LRIT3: variants seen among roughly 807,000 people sequenced by gnomAD.
The protein encoded by LRIT3 is leucine rich repeat, Ig-like and transmembrane domains 3.
LRIT3 carries 14 observed loss-of-function variants against 22.6 expected under a neutral mutation model. The ratio of observed to expected loss-of-function variants is 0.62; its 90% confidence interval spans 0.41 to 0.97. LRIT3 has a LOEUF of 0.97. Among genes scored for constraint, LRIT3 ranks in the 50% least tolerant of loss-of-function variants. The probability of loss-of-function intolerance (pLI) is 0.00; values close to 1 mark genes in which losing one functional copy is unlikely to be tolerated. For synonymous variants in LRIT3, 306 were observed against 304.5 expected, an observed-to-expected ratio of 1.01 and a Z score of -0.05; for missense variants, 783 against 803.0, an observed-to-expected ratio of 0.98 and a Z score of 0.30.
intron 2 of LRIT3, among the ~76,000 whole-genome samples, chr4:109,852,964 C>T (rs939704872): frequency 6.6e-6 from 1 of 152,182 alleles, no homozygotes; most frequent in Admixed American, 6.5e-5. Context: ...GTACATGGCA[C>T]ATTTTCTTTA....
Position 109,848,211 on chromosome 4 carries a change from T to A in LRIT3, c.10T>A (p.Phe4Ile). 8.1e-7 allele frequency: 1 copy of A among 1,231,142 alleles called. No individual in the cohort carries two copies. The highest frequency in any genetic ancestry group is 1.0e-6 in the Non-Finnish European group (1 of 987,042). 76.3% of individuals were successfully genotyped at this position (1,231,142 alleles called of 1,614,324 possible). MHLFACLCIVLSFL... is the reference protein window; with the variant it reads MHLIACLCIVLSFL... Reference sequence around the variant, plus strand: ...ACCTCTAAAAGGAGCAATGCATCTCTTTGCATGTCTGTGCATTGTCCTTAG... The same window carrying A: ...ACCTCTAAAAGGAGCAATGCATCTCATTGCATGTCTGTGCATTGTCCTTAG... Residue 4 changes from phenylalanine to isoleucine, a missense_variant, in exon 1 of 4, where the codon TTT becomes ATT. Phe to Ile is a conservative substitution (Grantham distance 21, BLOSUM62 0). Coordinates refer to ENST00000594814, the MANE Select transcript of LRIT3 (RefSeq NM_198506.5).
chr4:109,851,405 G>A lies in LRIT3; in HGVS notation c.117-99G>A, dbSNP rs139291389. On this transcript the variant is annotated intron_variant, in intron 1 of 3. Transcript: ENST00000594814. The stretch of plus-strand genomic sequence containing the variant: ...GCTGGGATTACAGGCGTGAGCCACT[G>A]CCCAGCTGAAAATTGATACATTTTT... The A allele has an allele frequency of 6.3e-4, 907 of 1,441,096 alleles. 7 individuals carry two copies. The highest frequency in any genetic ancestry group is 1.9e-4 in the Non-Finnish European group (203 of 1,092,134). The allele number at this position is 1,441,096 out of a possible 1,614,324, so 89.3% of individuals were successfully genotyped here.
At position 109,851,557 on chromosome 4, in the gene LRIT3, T is replaced by G; in HGVS notation, c.170T>G (p.Val57Gly). 6.4e-7 allele frequency: 1 copy of G among 1,551,808 alleles called. No homozygotes were observed. Residue 57 changes from valine to glycine, a missense_variant, in exon 2 of 4, where the codon GTG becomes GGG. Transcript: ENST00000594814. ...AACGAGCTGCCTACGAACCTCCCCG[T>G]GGACACTGTGAAGCTTCGCATAGAG... ...DMNELPTNLPVDTVKLRIEKT... is the reference protein window; with the variant it reads ...DMNELPTNLPGDTVKLRIEKT...
chr4:109,851,931 A>G lies in LRIT3; in HGVS notation c.544A>G (p.Thr182Ala). The change falls in exon 2 of 4, where the codon ACA becomes GCA. Residue 182 changes from threonine to alanine, a missense_variant. Thr to Ala is a moderately conservative substitution (Grantham distance 58, BLOSUM62 0). Transcript: ENST00000594814. ...FLESWTHLVS[T>A]PSGVLDLSPS... is the part of the protein sequence containing the mutation. ...GGAGAGCTGGACTCATTTAGTTTCA[A>G]CACCTTCTGGAGTCCTGGACCTTTC... 9.0e-6 allele frequency: 14 copies of G among 1,551,540 alleles called. No homozygotes were observed. The highest frequency in any genetic ancestry group is 1.2e-5 in the Non-Finnish European group (14 of 1,146,942).
intron 1 of LRIT3, chr4:109,851,250 T>A (rs1490610906): frequency 3.8e-5 from 17 of 453,236 alleles, no homozygotes; most frequent in Non-Finnish European, 5.9e-5. Context: ...TAATTAATCA[T>A]CCATAACAGT....
rs752991279 is a variant in LRIT3, at chr4:109,851,490, T to C, written c.117-14T>C. The C allele has an allele frequency of 1.3e-6, 2 of 1,503,388 alleles. No individual in the cohort carries two copies. The highest frequency in any genetic ancestry group is 2.6e-5 in the South Asian group (2 of 76,394). The allele number at this position is 1,503,388 out of a possible 1,614,324, so 93.1% of individuals were successfully genotyped here. A position where few individuals can be genotyped will look rare whatever the true frequency, so the allele number is the denominator to read the frequency against. ...AAAGTGAGTTTCCTCACATTGTTCA[T>C]GTTGTGACACTAGGTTGGTGCTATG... On this transcript the variant is annotated splice_polypyrimidine_tract_variant and intron_variant, in intron 1 of 3. Coordinates refer to ENST00000594814, the MANE Select transcript of LRIT3 (RefSeq NM_198506.5).
At chr4:109,863,147 A>G (rs536035467) in intron 2 of LRIT3, among the ~76,000 whole-genome samples, 17 of 152,352 alleles carry the variant, frequency 1.1e-4, no homozygotes, top group Admixed American at 3.3e-4. Context: ...CAAAGTCAAG[A>G]TAGTAATATC....
chr4:109,857,634 T>A (rs138149894), intron 2 of LRIT3, among the ~76,000 whole-genome samples: 1 of 152,196 alleles, frequency 6.6e-6, no homozygotes, highest in Non-Finnish European at 1.5e-5. Context: ...ATCTATGATA[T>A]AATAGGGAAG....
At position 109,858,353 on chromosome 4, in the gene LRIT3, G is replaced by T. The variant is rs184680763; in HGVS notation, c.589+6377G>T. ...AGGATGGCTGACTGGATTGTCTGTT[G>T]TAAAGGAGTTAGCATGGTCATTTTC... On this transcript the variant is annotated intron_variant, in intron 2 of 3. Coordinates refer to ENST00000594814, the MANE Select transcript of LRIT3 (RefSeq NM_198506.5). 2.2e-3 allele frequency among the ~76,000 whole-genome samples: 338 copies of T among 152,268 alleles called. 1 individual carries two copies. Among genetic ancestry groups the T allele is most frequent in the African/African-American group, 7.6e-3 (316 of 41,542 alleles).
chr4:109,870,690 C>A lies in LRIT3; in HGVS notation c.1941C>A (p.His647Gln). ...TAGGTGAGCTCTGGACACGAAGCCA[C>A]AGGGATGACTCAGAGAAATTGCTGC... Reference protein sequence around the residue: ...QSVGELWTRSHRDDSEKLLLC... With the variant: ...QSVGELWTRSQRDDSEKLLLC... The change falls in exon 4 of 4, where the codon CAC becomes CAA. Residue 647 changes from histidine (H) to glutamine (Q), a missense_variant. Transcript: ENST00000594814. 6.2e-7 allele frequency: 1 copy of A among 1,614,128 alleles called. No individual in the cohort carries two copies.
At chr4:109,850,723 C>G (rs1248255895) in intron 1 of LRIT3, among the ~76,000 whole-genome samples, 1 of 151,818 alleles carries the variant, frequency 6.6e-6, no homozygotes, top group Non-Finnish European at 1.5e-5. Context: ...GTGATCTGCC[C>G]ACCTTGACCT....
At chr4:109,850,911 T>G (rs1004571942) in intron 1 of LRIT3, among the ~76,000 whole-genome samples, 1 of 152,184 alleles carries the variant, frequency 6.6e-6, no homozygotes, top group Non-Finnish European at 1.5e-5. Context: ...CAAGTCACGT[T>G]ATTAAAACAG....
rs1365819564 is a variant in LRIT3, at chr4:109,851,801, T to C, written c.414T>C (p.Asn138=). 1 of 1,551,762 alleles carries C rather than the reference T, an allele frequency of 6.4e-7. No individual in the cohort carries two copies. The highest frequency in any genetic ancestry group is 2.0e-5 in the Admixed American group (1 of 51,002). ...MPLLRTLDLH[N]NKITSVPNEA... ...TTCTGAGGACCCTGGACTTGCACAA[T>C]AACAAAATAACCAGTGTGCCAAATG... Residue 138 remains asparagine, a synonymous_variant, in exon 2 of 4, where the codon AAT becomes AAC. Transcript: ENST00000594814.
At chr4:109,862,229 C>T (rs1734563545) in intron 2 of LRIT3, among the ~76,000 whole-genome samples, 1 of 152,168 alleles carries the variant, frequency 6.6e-6, no homozygotes, top group Non-Finnish European at 1.5e-5. Flanking sequence ...CATATAAATA[C>T]TATTCTTTTA....
chr4:109,854,018 G>A (rs531738531), intron 2 of LRIT3, among the ~76,000 whole-genome samples: 52 of 117,644 alleles, frequency 4.4e-4, no homozygotes, highest in African/African-American at 1.6e-3. Flanking sequence ...GTCAGGTAGC[G>A]TGATGCCTCC....
At chr4:109,867,019 A>G (rs1307044434) in intron 2 of LRIT3, among the ~76,000 whole-genome samples, 1 of 152,124 alleles carries the variant, frequency 6.6e-6, no homozygotes, top group Non-Finnish European at 1.5e-5. Context: ...ATCTCACTCT[A>G]TATCTTTTGC....
intron 2 of LRIT3, among the ~76,000 whole-genome samples, chr4:109,860,273 C>A: frequency 6.6e-6 from 1 of 152,096 alleles, no homozygotes; most frequent in South Asian, 2.1e-4. Context: ...AACATGGGCT[C>A]TTTTCCTATT....
At chr4:109,862,715 T>G (rs1420910663) in intron 2 of LRIT3, among the ~76,000 whole-genome samples, 1 of 152,214 alleles carries the variant, frequency 6.6e-6, no homozygotes, top group Non-Finnish European at 1.5e-5. Flanking sequence ...TTTATTTTAT[T>G]TTGAAAGAGT....
chr4:109,857,678 A>G (rs530633777), intron 2 of LRIT3, among the ~76,000 whole-genome samples: 2 of 152,332 alleles, frequency 1.3e-5, no homozygotes, highest in Admixed American at 1.3e-4. Context: ...GTAATATCAT[A>G]GAGAAAATGT....
Sources: allele counts gnomAD v4.1 joint callset (sites outside exome capture counted in the v4.1 genomes callset), GRCh38; gene constraint gnomAD v4.1.1; transcripts MANE v1.5; gene names NCBI Gene and HGNC (gene_info 2026-07-23, HGNC 2026-07-21).